Variants in MGST1 observed in about 807,000 individuals in gnomAD.
The protein encoded by MGST1 is glutathione S-transferase 12.
In MGST1, 5 loss-of-function variants were observed where a neutral mutation model predicts 8.9. The observed-to-expected ratio is 0.56, with a 90% CI of 0.29 to 1.19. The LOEUF (loss-of-function observed/expected upper bound fraction) is 1.19, where lower values mean the gene tolerates loss of function less well. Among genes scored for constraint, MGST1 ranks in the 50% most tolerant of loss-of-function variants. The pLI, the probability that MGST1 is intolerant of heterozygous loss-of-function variation, is 0.08. For missense variants in MGST1, 182 were observed against 187.4 expected (o/e 0.97, Z 0.17); for synonymous variants, 54 against 67.8 (o/e 0.80, Z 1.00).
At position 16,469,398 on chromosome 12, in the gene MGST1, A is replaced by G. The variant is rs191129167; in HGVS notation, n.482+85794A>G. ...GAGACAAGGTTTCACCATGTTGACT[A>G]GACTGGTCTCAAACTCCTGACTTCA... is the stretch of plus-strand genomic sequence containing the variant. On this transcript the variant is annotated intron_variant and non_coding_transcript_variant, in intron 4 of 4. Coordinates refer to the MGST1 transcript ENST00000538857. 1.7e-3 allele frequency among the ~76,000 whole-genome samples: 259 copies of G among 152,248 alleles called. 2 individuals are homozygous for G. The highest frequency in any genetic ancestry group is 6.1e-3 in the African/African-American group (253 of 41,542).
At chr12:16,499,582 C>T (rs1000315827) in intron 4 of MGST1, among the ~76,000 whole-genome samples, 1 of 151,906 alleles carries the variant, frequency 6.6e-6, no homozygotes, top group Admixed American at 6.6e-5. Context: ...ATATCTGCAC[C>T]GAACAAAGAG....
intron 4 of MGST1, among the ~76,000 whole-genome samples, chr12:16,574,209 G>T: frequency 6.6e-6 from 1 of 151,916 alleles, no homozygotes; most frequent in Non-Finnish European, 1.5e-5. Context: ...TACATATCTC[G>T]ATCACATTGA....
chr12:16,360,111 C>A (rs1181051585), intron 3 of MGST1, among the ~76,000 whole-genome samples: 1 of 152,144 alleles, frequency 6.6e-6, no homozygotes, highest in Non-Finnish European at 1.5e-5. Flanking sequence ...TTTCCGCATA[C>A]TGAGAGAAGA....
Position 16,482,921 on chromosome 12 carries a change from T to C in MGST1, n.482+99317T>C, listed in dbSNP as rs2137147000. On this transcript the variant is annotated intron_variant and non_coding_transcript_variant, in intron 4 of 4. Transcript: ENST00000538857. This position sits in a 1 kb window ranked among gnomAD's most constrained non-coding sequence, Gnocchi z 4.2. ...TTTATTGCAACTTCATGACGTGCTC[T>C]GGCTCAAATAATTCATGAGTCCTCC... Among the ~76,000 whole-genome samples, 1 of 152,336 alleles carries C rather than the reference T, an allele frequency of 6.6e-6. No homozygotes were observed. Among genetic ancestry groups the C allele is most frequent in the Admixed American group, 6.5e-5 (1 of 15,302 alleles).
chr12:16,495,843 G>A (rs1941466986), intron 4 of MGST1, among the ~76,000 whole-genome samples: 1 of 151,900 alleles, frequency 6.6e-6, no homozygotes, highest in Admixed American at 6.6e-5. Flanking sequence ...CCTGAATACT[G>A]AATTGATATA....
Position 16,535,578 on chromosome 12 carries a change from A to G in MGST1, n.483-53950A>G, listed in dbSNP as rs148789040. On this transcript the variant is annotated intron_variant and non_coding_transcript_variant, in intron 4 of 4. Coordinates refer to the MGST1 transcript ENST00000538857. ...CCCAGTTACATGCAGGAAAATACTT[A>G]TGGTCTATAGTGGAACCATGCAAAC... 3.0e-4 allele frequency among the ~76,000 whole-genome samples: 45 copies of G among 152,350 alleles called. No individual in the cohort carries two copies. In the East Asian group the frequency reaches 8.3e-3, roughly 28 times the overall value.
chr12:16,430,679 AAG>A (rs1940930828), intron 1 of MGST1, among the ~76,000 whole-genome samples: 1 of 152,146 alleles, frequency 6.6e-6, no homozygotes, highest in Non-Finnish European at 1.5e-5. Flanking sequence ...GTGCTATAAA[AAG>A]ATGTGCTACC....
intron 4 of MGST1, among the ~76,000 whole-genome samples, chr12:16,540,677 T>C (rs1281971948): frequency 6.6e-6 from 1 of 152,240 alleles, no homozygotes; most frequent in African/African-American, 2.4e-5. Context: ...ACGCCTGTAA[T>C]GCCAGCACTT....
At chr12:16,434,615 T>C (rs1044986963) in intron 1 of MGST1, among the ~76,000 whole-genome samples, 3 of 152,054 alleles carry the variant, frequency 2.0e-5, no homozygotes, top group African/African-American at 7.2e-5. Context: ...GACTTTCTTT[T>C]TCTTTCTTCT....
intron 4 of MGST1, among the ~76,000 whole-genome samples, chr12:16,479,222 T>C (rs1218210062): frequency 6.7e-6 from 1 of 148,554 alleles, no homozygotes; most frequent in East Asian, 2.0e-4. Context: ...AACGTATTTT[T>C]AATAGACTGT....
intron 4 of MGST1, among the ~76,000 whole-genome samples, chr12:16,455,977 A>C (rs758979176): frequency 9.2e-5 from 14 of 151,828 alleles, no homozygotes; most frequent in Non-Finnish European, 1.3e-4. Flanking sequence ...TAAATGCAAA[A>C]ATATTTTTGT....
At position 16,585,458 on chromosome 12, in the gene MGST1, T is replaced by C. The variant is rs1177580738; in HGVS notation, n.483-4070T>C. Among the ~76,000 whole-genome samples, 2 of 152,226 alleles carry C rather than the reference T, an allele frequency of 1.3e-5. No homozygotes were observed. Among genetic ancestry groups the C allele is most frequent in the Non-Finnish European group, 2.9e-5 (2 of 68,044 alleles). On this transcript the variant is annotated intron_variant and non_coding_transcript_variant, in intron 4 of 4. Coordinates refer to the MGST1 transcript ENST00000538857. This position sits in a 1 kb window ranked among gnomAD's most constrained non-coding sequence, Gnocchi z 4.7. ...CATCCTACACAGTGAGCATAAATGT[T>C]GTTTCAAATATTGTTCCCAAATATT...
At position 16,497,608 on chromosome 12, in the gene MGST1, A is replaced by C. The variant is rs1191078969; in HGVS notation, n.483-91920A>C. ...TCAAAGTTTTTCTGATTGTTTTCTG[A>C]ATTTATAGAAAAGGGAGTTTTAACT... On this transcript the variant is annotated intron_variant and non_coding_transcript_variant, in intron 4 of 4. Coordinates refer to the MGST1 transcript ENST00000538857. The surrounding 1 kb of genome is among the most constrained non-coding windows in gnomAD (Gnocchi z 4.4). Among the ~76,000 whole-genome samples the C allele has an allele frequency of 1.3e-5, 2 of 152,150 alleles. No homozygotes were observed. Among genetic ancestry groups the C allele is most frequent in the Non-Finnish European group, 2.9e-5 (2 of 68,006 alleles).
chr12:16,525,850 A>G (rs1230973999), intron 4 of MGST1, among the ~76,000 whole-genome samples: 5 of 151,022 alleles, frequency 3.3e-5, no homozygotes, highest in Non-Finnish European at 5.9e-5. Flanking sequence ...CTGGTGTGAG[A>G]TGGTATCTCA....
chr12:16,398,238 A>G (rs1258395365), intron 1 of MGST1, among the ~76,000 whole-genome samples: 1 of 152,238 alleles, frequency 6.6e-6, no homozygotes, highest in Non-Finnish European at 1.5e-5. Context: ...GCATGGAAGG[A>G]ACTGCAGTGG....
At chr12:16,592,311 T>C (rs957993277), downstream of MGST1, among the ~76,000 whole-genome samples, 6 of 152,076 alleles carry the variant, frequency 3.9e-5, no homozygotes, top group Non-Finnish European at 8.8e-5. Context: ...GAAGAGATTC[T>C]TCTAGCTCAG....
At chr12:16,432,780 G>C (rs778390714) in intron 1 of MGST1, among the ~76,000 whole-genome samples, 2 of 150,168 alleles carry the variant, frequency 1.3e-5, no homozygotes, top group Non-Finnish European at 3.0e-5. Context: ...GAATCAATAG[G>C]CTGTGTAGAT....
chr12:16,572,339 C>CTTTTTTTTTTTTT (rs59773866), intron 4 of MGST1, among the ~76,000 whole-genome samples: 2 of 89,530 alleles, frequency 2.2e-5, no homozygotes, highest in African/African-American at 4.2e-5. Context: ...GGTCCAAACT[C>CTTTTTTTTTTTTT]TTTTTTTTTT....
At chr12:16,515,127 A>T (rs1941603682) in intron 4 of MGST1, among the ~76,000 whole-genome samples, 1 of 152,202 alleles carries the variant, frequency 6.6e-6, no homozygotes, top group African/African-American at 2.4e-5. Context: ...GAGCAACCTT[A>T]TCAACAGACC....
Sources: allele counts gnomAD v4.1 joint callset (sites outside exome capture counted in the v4.1 genomes callset), GRCh38; gene constraint gnomAD v4.1.1; non-coding constraint Gnocchi (gnomAD v3.1); transcripts MANE v1.5; gene names NCBI Gene and HGNC (gene_info 2026-07-23, HGNC 2026-07-21).